The following STARD13 variants were observed in gnomAD, a reference collection of about 807,000 sequenced individuals.
The protein encoded by STARD13 is StAR related lipid transfer domain containing 13, also known as stAR-related lipid transfer protein 13.
In STARD13, 62 loss-of-function variants were observed where a neutral mutation model predicts 106.4. The observed-to-expected ratio is 0.58, with a 90% CI of 0.48 to 0.72. The LOEUF (loss-of-function observed/expected upper bound fraction) is 0.72. STARD13 is among the 30% of genes least tolerant of loss of function. The pLI is 0.00. For synonymous variants in STARD13, 565 were observed against 553.0 expected, an observed-to-expected ratio of 1.02 and a Z score of -0.31; for missense variants, 1,387 against 1,424.0, an observed-to-expected ratio of 0.97 and a Z score of 0.42.
In STARD13 at chr13:33,130,014, G is replaced by A. The variant is rs575550477; in HGVS notation, c.663C>T (p.Val221=). Residue 221 remains valine (V), a synonymous_variant, in exon 5 of 14, where the codon GTC becomes GTT. Transcript: ENST00000336934. The surrounding 1 kb of genome is among the most constrained non-coding windows in gnomAD (Gnocchi z 4.1). ...QPGQCCTDNP[V]MLDAPLVSSS... is the part of the protein sequence containing the mutation. ...TGCTGACGAGTGGGGCATCCAGCATGACCGGGTTGTCTGTACAGCACTGGC... is the reference window on the plus strand; with the variant it reads ...TGCTGACGAGTGGGGCATCCAGCATAACCGGGTTGTCTGTACAGCACTGGC... 2 of 1,613,204 alleles carry A rather than the reference G, an allele frequency of 1.2e-6. No individual in the cohort carries two copies. Among genetic ancestry groups the A allele is most frequent in the Non-Finnish European group, 1.7e-6 (2 of 1,179,740 alleles).
At chr13:33,159,298 C>T (rs1251649311) in intron 3 of STARD13, among the ~76,000 whole-genome samples, 1 of 152,162 alleles carries the variant, frequency 6.6e-6, no homozygotes, top group Non-Finnish European at 1.5e-5. Flanking sequence ...AATGATTTCA[C>T]ATGAATTGTA....
At chr13:33,654,510 T>C in the STARD13 span, 1 of 152,026 alleles carries the variant, frequency 6.6e-6, no homozygotes, top group Non-Finnish European at 1.5e-5. Flanking sequence ...GGCATCTTCT[T>C]GGGGATAATG....
chr13:33,503,664 T>C, the STARD13 span, among the ~76,000 whole-genome samples: 1 of 152,230 alleles, frequency 6.6e-6, no homozygotes, highest in East Asian at 1.9e-4. Context: ...AGGAGCAGGT[T>C]GTTCAGTTTC....
chr13:33,577,771 A>T, the STARD13 span, among the ~76,000 whole-genome samples: 1 of 152,176 alleles, frequency 6.6e-6, no homozygotes, highest in Non-Finnish European at 1.5e-5. Flanking sequence ...CTAGAAAATA[A>T]CATAGGATAA....
chr13:33,453,366 C>A, the STARD13 span, among the ~76,000 whole-genome samples: 1 of 152,282 alleles, frequency 6.6e-6, no homozygotes, highest in South Asian at 2.1e-4. Flanking sequence ...TGGAAAATGT[C>A]AGATGTTGGA....
At chr13:33,263,623 T>C (rs1890752457) in intron 1 of STARD13, among the ~76,000 whole-genome samples, 1 of 152,188 alleles carries the variant, frequency 6.6e-6, no homozygotes, top group South Asian at 2.1e-4. Context: ...CTGCACAGAA[T>C]GATGCCTGCA....
rs138914103 is a variant in STARD13, at chr13:33,338,547, C to G, written c.124+11743G>C. Among the ~76,000 whole-genome samples, 586 of 152,148 alleles carry G rather than the reference C, an allele frequency of 3.9e-3. 9 individuals carry two copies. Among genetic ancestry groups the G allele is most frequent in the African/African-American group, 0.013 (558 of 41,486 alleles). ...ATGGATCGATACGAGATGCTGCCAG[C>G]CATGCTAACAATATATTTAGCATTT... is the stretch of plus-strand genomic sequence containing the variant. On this transcript the variant is annotated intron_variant, in intron 1 of 5. Transcript: ENST00000567873.
chr13:33,672,196 T>C, the STARD13 span, among the ~76,000 whole-genome samples: 387 of 152,300 alleles, frequency 2.5e-3, 3 homozygotes, highest in African/African-American at 8.6e-3. Context: ...TAAAAAAGAA[T>C]GGGTTCATGT....
chr13:33,510,147 A>G, the STARD13 span, among the ~76,000 whole-genome samples: 1 of 152,206 alleles, frequency 6.6e-6, no homozygotes, highest in Non-Finnish European at 1.5e-5. Flanking sequence ...TGGCAGTGCT[A>G]AATTTATCTT....
At chr13:33,370,185 C>T in the STARD13 span, among the ~76,000 whole-genome samples, 4 of 152,182 alleles carry the variant, frequency 2.6e-5, no homozygotes, top group African/African-American at 9.7e-5. Context: ...CAGGGCCTGG[C>T]ACATATAACC....
chr13:33,129,223 T>A lies in STARD13; in HGVS notation c.1454A>T (p.His485Leu), dbSNP rs764415044. The A allele has an allele frequency of 6.2e-7, 1 of 1,613,898 alleles. No individual in the cohort carries two copies. Among genetic ancestry groups the A allele is most frequent in the African/African-American group, 1.3e-5 (1 of 74,846 alleles). ...LDLEKDDLFP[H>L]LDDILQHVNG... ...GACATGCTGCAGAATGTCATCCAAGTGAGGGAAAAGGTCATCTTTCTCCAA... is the reference window on the plus strand; with the variant it reads ...GACATGCTGCAGAATGTCATCCAAGAGAGGGAAAAGGTCATCTTTCTCCAA... Residue 485 changes from histidine (H) to leucine (L), a missense_variant, in exon 5 of 14, where the codon CAC becomes CTC. Coordinates refer to ENST00000336934, the MANE Select transcript of STARD13 (RefSeq NM_178006.4).
At chr13:33,140,795 C>G (rs892905603) in intron 4 of STARD13, among the ~76,000 whole-genome samples, 16 of 147,644 alleles carry the variant, frequency 1.1e-4, no homozygotes, top group Non-Finnish European at 4.5e-5. Context: ...CGGAGTCTCT[C>G]TCTGTCAGGC....
At chr13:33,551,724 A>G in the STARD13 span, among the ~76,000 whole-genome samples, 148,696 of 151,358 alleles carry the variant, frequency 0.98, 73,050 homozygotes, top group East Asian at 1. Context: ...TTATCCTCCT[A>G]AGTAGCTGGG....
chr13:33,457,207 A>C, the STARD13 span, among the ~76,000 whole-genome samples: 1 of 152,256 alleles, frequency 6.6e-6, no homozygotes. Context: ...CTGAAGAAGC[A>C]ATCAACAATC....
At chr13:33,454,883 A>T in the STARD13 span, among the ~76,000 whole-genome samples, 5 of 152,218 alleles carry the variant, frequency 3.3e-5, no homozygotes, top group Admixed American at 3.3e-4. Context: ...AGAGGCAAGG[A>T]AATGTTTAAT....
the STARD13 span, among the ~76,000 whole-genome samples, chr13:33,433,554 C>T: frequency 3.9e-5 from 6 of 152,128 alleles, no homozygotes; most frequent in African/African-American, 1.2e-4. Context: ...CTTCCATCTG[C>T]GTATGCGGAG....
intron 1 of STARD13, among the ~76,000 whole-genome samples, chr13:33,342,652 T>G (rs2077973639): frequency 6.6e-6 from 1 of 152,040 alleles, no homozygotes; most frequent in Non-Finnish European, 1.5e-5. Context: ...CGCCTCAGCC[T>G]CCTGAGTAGC....
At position 33,280,858 on chromosome 13, in the gene STARD13, A is replaced by G. The variant is rs143712348; in HGVS notation, c.169+4612T>C. The G allele has an allele frequency of 2.6e-5, 4 of 152,336 alleles. No individual in the cohort carries two copies. In the East Asian group the frequency reaches 7.7e-4, roughly 29 times the overall value. 9.4% of individuals were successfully genotyped at this position (152,336 alleles called of 1,614,324 possible). A position where few individuals can be genotyped will look rare whatever the true frequency, so the allele number is the denominator to read the frequency against. On this transcript the variant is annotated intron_variant, in intron 1 of 13. Coordinates refer to ENST00000336934, the MANE Select transcript of STARD13 (RefSeq NM_178006.4). ...ATCCAAACCCTTTATTTAATGGAAGAAGGGAAAAAGGTCTAGAGAAGCTGT... is the reference window on the plus strand; with the variant it reads ...ATCCAAACCCTTTATTTAATGGAAGGAGGGAAAAAGGTCTAGAGAAGCTGT...
chr13:33,274,208 A>T lies in STARD13; in HGVS notation c.169+11262T>A, dbSNP rs557365347. 2.2e-4 allele frequency: 33 copies of T among 152,224 alleles called. 1 individual carries two copies. Among genetic ancestry groups the T allele is most frequent in the African/African-American group, 7.9e-4 (33 of 41,534 alleles). 9.4% of individuals were successfully genotyped at this position (152,224 alleles called of 1,614,324 possible). The stretch of plus-strand genomic sequence containing the variant: ...TTGAAGTCCTTGCTCCCAATACCTT[A>T]GAGTGTGAGTATATTTGAAGATAGG... On this transcript the variant is annotated intron_variant, in intron 1 of 13. Transcript: ENST00000336934.
Sources: allele counts gnomAD v4.1 joint callset (sites outside exome capture counted in the v4.1 genomes callset), GRCh38; gene constraint gnomAD v4.1.1; non-coding constraint Gnocchi (gnomAD v3.1); transcripts MANE v1.5; gene names NCBI Gene and HGNC (gene_info 2026-07-23, HGNC 2026-07-21).